Variants in CIITA observed in about 807,000 individuals in gnomAD.
CIITA encodes the protein MHC class II transactivator.
A neutral mutation model predicts 115.1 loss-of-function variants in CIITA; 72 were observed. The ratio of observed to expected loss-of-function variants is 0.63; its 90% CI spans 0.52 to 0.76. The LOEUF is 0.76. Ranked by LOEUF, CIITA falls within the 30% of genes least tolerant of loss-of-function variation. CIITA has a pLI of 0.00. For missense variants in CIITA, 1,617 were observed against 1,463.8 expected (o/e 1.10, Z -1.71); for synonymous variants, 763 against 635.6 (o/e 1.20, Z -3.02).
rs199476077 is a variant in CIITA at position 10,915,626 on chromosome 16, C to T, written c.2945C>T (p.Ala982Val). ...AFPKLVRILT[A>V]FSSLQHLDLD... ...CCCAAACTGGTGCGGATCCTCACGGCCTTTTCCTCCCTGCAGCATCTGGAG... is the reference window on the plus strand; with the variant it reads ...CCCAAACTGGTGCGGATCCTCACGGTCTTTTCCTCCCTGCAGCATCTGGAG... Residue 982 changes from alanine (A) to valine (V), a missense_variant, in exon 14 of 20, where the codon GCC becomes GTC. Ala to Val is a moderately conservative substitution (Grantham distance 64, BLOSUM62 0). Coordinates refer to ENST00000324288, the MANE Select transcript of CIITA (RefSeq NM_000246.4). The T allele has an allele frequency of 1.2e-6, 2 of 1,614,132 alleles. No homozygotes were observed. Among genetic ancestry groups the T allele is most frequent in the African/African-American group, 2.7e-5 (2 of 75,046 alleles).
Position 10,902,039 on chromosome 16 carries a change from T to G in CIITA, c.483T>G (p.Ala161=). The change falls in exon 7 of 20, where the codon GCT becomes GCG. Residue 161 remains alanine, a splice_region_variant and synonymous_variant. Transcript: ENST00000324288. ...LPADLKHWKP[A]EPPTVVTGSL... is the part of the protein sequence containing the mutation. ...CTAACACAGCCCACTTCCTCACAGC[T>G]GAGCCCCCCACTGTGGTGACTGGCA... 1 of 1,614,072 alleles carries G rather than the reference T, an allele frequency of 6.2e-7. No individual in the cohort carries two copies. Among genetic ancestry groups the G allele is most frequent in the Non-Finnish European group, 8.5e-7 (1 of 1,180,026 alleles).
At position 10,907,163 on chromosome 16, in the gene CIITA, G is replaced by A. The variant is rs993588638; in HGVS notation, c.1671G>A (p.Leu557=). The change falls in exon 11 of 20, where the codon CTG becomes CTA. Residue 557 remains leucine (L), a synonymous_variant. Coordinates refer to ENST00000324288, the MANE Select transcript of CIITA (RefSeq NM_000246.4). The surrounding 1 kb of genome is among the most constrained non-coding windows in gnomAD (Gnocchi z 5.0). ...CCCGGGGCCGCCTGGTCCAGAGCCT[G>A]AGCAAGGCCGACGCCCTATTTGAGC... ...ARPRGRLVQS[L]SKADALFELS... is the part of the protein sequence containing the mutation. The A allele has an allele frequency of 6.2e-7, 1 of 1,613,150 alleles. No individual in the cohort carries two copies. The highest frequency in any genetic ancestry group is 8.5e-7 in the Non-Finnish European group (1 of 1,179,874).
rs1035964085 is a variant in CIITA, at chr16:10,941,432, C to G, written n.558C>G. ...AGGGCTTAAGAGGAGTCTGGCCATT[C>G]CTGGCATCCAGTTAGACCTGGAGGA... On this transcript the variant is annotated non_coding_transcript_exon_variant, in exon 2 of 2. Transcript: ENST00000573379. This position sits in a 1 kb window ranked among gnomAD's most constrained non-coding sequence, Gnocchi z 6.4. 8.5e-5 allele frequency: 73 copies of G among 855,182 alleles called. No homozygotes were observed. In the African/African-American group the frequency reaches 1.2e-3, roughly 14 times the overall value. 53.0% of individuals were successfully genotyped at this position (855,182 alleles called of 1,614,324 possible).
At position 10,901,649 on chromosome 16, in the gene CIITA, G is replaced by A; in HGVS notation, c.481+91G>A. 7.4e-7 allele frequency: 1 copy of A among 1,356,166 alleles called. No homozygotes were observed. The highest frequency in any genetic ancestry group is 1.9e-5 in the Admixed American group (1 of 52,512). The allele number at this position is 1,356,166 out of a possible 1,614,324, so 84.0% of individuals were successfully genotyped here. ...GAACTCCTGGCCCAAGTCTGATGGG[G>A]ATGGTGCATGGTGCAGCCCCTGCCC... On this transcript the variant is annotated intron_variant, in intron 6 of 19. Coordinates refer to ENST00000324288, the MANE Select transcript of CIITA (RefSeq NM_000246.4). The surrounding 1 kb of genome is among the most constrained non-coding windows in gnomAD (Gnocchi z 6.8).
rs2036086271 is a variant in CIITA, at chr16:10,878,685, G to C, written c.52+1303G>C. 2.0e-5 allele frequency among the ~76,000 whole-genome samples: 3 copies of C among 152,240 alleles called. No homozygotes were observed. The South Asian group carries it at 6.2e-4, about 31-fold the overall frequency. On this transcript the variant is annotated intron_variant, in intron 1 of 19. Transcript: ENST00000324288. The stretch of plus-strand genomic sequence containing the variant: ...ACAAGCTCCCTGCAACTCAGGACTT[G>C]CAGATCACTTGCCCAAGTGGCTCCC...
rs747781159 is a variant in CIITA at position 10,915,557 on chromosome 16, C to CT, written c.2889-10dup. The CT allele has an allele frequency of 1.2e-6, 2 of 1,612,008 alleles. No homozygotes were observed. Among genetic ancestry groups the CT allele is most frequent in the Non-Finnish European group, 1.7e-6 (2 of 1,178,120 alleles). ...TGTGACTGGAGGTCTTACCCTTGCT[C>CT]TTTGCCTCCTAGGCTGGGCCCTGTC... is the stretch of plus-strand genomic sequence containing the variant. On this transcript the variant is annotated splice_polypyrimidine_tract_variant and intron_variant, in intron 13 of 19. Coordinates refer to ENST00000324288, the MANE Select transcript of CIITA (RefSeq NM_000246.4).
upstream of CIITA, among the ~76,000 whole-genome samples, chr16:10,876,539 C>T (rs1020035933): frequency 6.6e-6 from 1 of 152,186 alleles, no homozygotes; most frequent in East Asian, 1.9e-4. Flanking sequence ...AGACTTCCTC[C>T]TTGATACCAC....
At position 10,929,301 on chromosome 16, in the gene CIITA, C is replaced by T. The variant is rs2040672492; in HGVS notation, c.*5446C>T. On this transcript the variant is annotated 3_prime_UTR_variant, in exon 20 of 20. Transcript: ENST00000324288. The surrounding 1 kb of genome is among the most constrained non-coding windows in gnomAD (Gnocchi z 4.3). ...AGGTGAAGTGGGGGAAGCAGGTGCG[C>T]TCCGGGATGAAGTGCAGGGAGGCAA... is the stretch of plus-strand genomic sequence containing the variant. 3.0e-6 allele frequency: 3 copies of T among 985,854 alleles called. No homozygotes were observed. The highest frequency in any genetic ancestry group is 1.2e-4 in the Admixed American group (2 of 16,276). The allele number at this position is 985,854 out of a possible 1,614,324, so 61.1% of individuals were successfully genotyped here.
At chr16:10,899,029 C>T in intron 5 of CIITA, 27 bp downstream of exon 5, 1 of 1,610,946 alleles carries the variant, frequency 6.2e-7, no homozygotes, top group Non-Finnish European at 8.5e-7. Context: ...CTGATCCAAC[C>T]TAGCCTTGCT....
At chr16:10,873,627 ATC>A, upstream of CIITA, among the ~76,000 whole-genome samples, 1 of 152,106 alleles carries the variant, frequency 6.6e-6, no homozygotes. Context: ...ACTGAGCAGA[ATC>A]TGTTTTGGGA....
chr16:10,932,691 A>C lies in CIITA; in HGVS notation c.*8836A>C, dbSNP rs1202675257. 8.3e-6 allele frequency: 1 copy of C among 120,954 alleles called. No individual in the cohort carries two copies. Among genetic ancestry groups the C allele is most frequent in the African/African-American group, 3.1e-5 (1 of 32,452 alleles). The allele number at this position is 120,954 out of a possible 1,614,324, so 7.5% of individuals were successfully genotyped here. On this transcript the variant is annotated 3_prime_UTR_variant, in exon 20 of 20. Coordinates refer to ENST00000324288, the MANE Select transcript of CIITA (RefSeq NM_000246.4). The stretch of plus-strand genomic sequence containing the variant: ...CAAAAAAACACAAACCAAAAAAAAA[A>C]TTCTTTTTTTTTTTTTTTTTTTGAG...
At chr16:10,938,923 T>C (rs1352560453), downstream of CIITA, 1 of 152,182 alleles carries the variant, frequency 6.6e-6, no homozygotes, top group African/African-American at 2.4e-5. This position sits in a 1 kb window ranked among gnomAD's most constrained non-coding sequence, Gnocchi z 4.9. Flanking sequence ...GAAGGGGAAG[T>C]GTTTCTGTTG....
At chr16:10,874,969 T>C (rs1000010903), upstream of CIITA, among the ~76,000 whole-genome samples, 2 of 150,194 alleles carry the variant, frequency 1.3e-5, no homozygotes, top group East Asian at 1.9e-4. Flanking sequence ...AATTTCTTTC[T>C]TTTTTTTTCT....
downstream of CIITA, chr16:10,937,579 G>A (rs1419783517): frequency 6.6e-6 from 1 of 152,248 alleles, no homozygotes; most frequent in Non-Finnish European, 1.5e-5. The surrounding 1 kb of genome is among the most constrained non-coding windows in gnomAD (Gnocchi z 4.2). Flanking sequence ...GACTCTGGTG[G>A]CAACGTTCTC....
chr16:10,895,823 C>G (rs942325282), intron 3 of CIITA, 59 bp downstream of exon 3: 1 of 1,519,698 alleles, frequency 6.6e-7, no homozygotes, highest in African/African-American at 1.4e-5. Context: ...TTTGCTGCCA[C>G]TTGTCAATAT....
chr16:10,883,896 C>G (rs2143757489), intron 1 of CIITA, among the ~76,000 whole-genome samples: 1 of 152,332 alleles, frequency 6.6e-6, no homozygotes, highest in African/African-American at 2.4e-5. Context: ...CCTTCACATC[C>G]CTCATCTACC....
At chr16:10,891,582 G>T (rs2037588391) in intron 1 of CIITA, among the ~76,000 whole-genome samples, 1 of 152,086 alleles carries the variant, frequency 6.6e-6, no homozygotes, top group South Asian at 2.1e-4. Context: ...CTTGTCACGA[G>T]ATCACACTGC....
intron 8 of CIITA, 148 bp downstream of exon 8, chr16:10,902,949 A>G (rs1378526712): frequency 1.2e-5 from 12 of 1,023,360 alleles, no homozygotes; most frequent in African/African-American, 1.6e-5. Flanking sequence ...CTCTGTCCCT[A>G]TTTCCCAAAA....
rs759686712 is a variant in CIITA, at chr16:10,903,717, C to T, written c.773-14C>T. The T allele has an allele frequency of 1.2e-6, 2 of 1,613,942 alleles. No homozygotes were observed. The highest frequency in any genetic ancestry group is 1.1e-5 in the South Asian group (1 of 91,090). On this transcript the variant is annotated splice_polypyrimidine_tract_variant and intron_variant, in intron 8 of 19. Transcript: ENST00000324288. ...ACCTGGTTATTCTCACACCACTCTC[C>T]ACCCCCAATGTAGGTGAGGTGCCCC...
Sources: gnomAD v4.1 joint callset for allele counts (sites outside exome capture counted in the v4.1 genomes callset) on GRCh38, gnomAD v4.1.1 for gene constraint, Gnocchi (gnomAD v3.1) non-coding constraint, MANE v1.5 for transcripts, NCBI Gene and HGNC (gene_info 2026-07-23, HGNC 2026-07-21) for gene names.